FERMT2: variants seen among roughly 807,000 people sequenced by gnomAD.
FERMT2 encodes the protein FERM domain containing kindlin 2.
In FERMT2, 15 loss-of-function variants were observed where a neutral mutation model predicts 82.7. The observed-to-expected ratio is 0.18, with a 90% CI of 0.12 to 0.28. The LOEUF is 0.28. Ranked by LOEUF, FERMT2 falls within the 10% of genes least tolerant of loss-of-function variation. The pLI, the probability that FERMT2 is intolerant of heterozygous loss-of-function variation, is 1.00. For synonymous variants in FERMT2, 274 were observed against 271.5 expected (o/e 1.01, Z -0.09); for missense variants, 645 against 809.4 (o/e 0.80, Z 2.46).
intron 2 of FERMT2, among the ~76,000 whole-genome samples, chr14:52,919,604 G>A (rs559419310): frequency 6.6e-6 from 1 of 152,230 alleles, no homozygotes; most frequent in Admixed American, 6.5e-5. Flanking sequence ...CTACAAAATG[G>A]GACACATGGA....
intron 2 of FERMT2, among the ~76,000 whole-genome samples, chr14:52,923,121 T>C (rs1027307145): frequency 2.0e-5 from 3 of 152,112 alleles, no homozygotes; most frequent in Admixed American, 6.6e-5. Context: ...TTATTAATCT[T>C]ATGGGACCAC....
intron 14 of FERMT2, 178 bp downstream of exon 14, chr14:52,859,395 C>T (rs1884762889): frequency 3.7e-6 from 2 of 540,228 alleles, no homozygotes; most frequent in Admixed American, 4.1e-5. Context: ...ATTTTAGTAA[C>T]TGGGCTAATT....
chr14:52,875,328 T>C lies in FERMT2; in HGVS notation c.993A>G (p.Thr331=), dbSNP rs893404248. 9 of 1,608,884 alleles carry C rather than the reference T, an allele frequency of 5.6e-6. No individual in the cohort carries two copies. In the Admixed American group the frequency reaches 1.5e-4, roughly 27 times the overall value. ...QYHINKLSIM[T]SENHLNNSDK... is the part of the protein sequence containing the mutation. ...CACTGTTGTTCAAATGATTCTCTGA[T>C]GTCATGATTGACAGCTTATTGATAT... The change falls in exon 8 of 15, where the codon ACA becomes ACG. Residue 331 remains threonine, a synonymous_variant. Coordinates refer to ENST00000341590, the MANE Select transcript of FERMT2 (RefSeq NM_006832.3).
At chr14:52,893,742 G>A (rs1231728719) in intron 3 of FERMT2, among the ~76,000 whole-genome samples, 1 of 151,744 alleles carries the variant, frequency 6.6e-6, no homozygotes, top group Non-Finnish European at 1.5e-5. Flanking sequence ...GAGTTTATAT[G>A]TCCTTCACTC....
At chr14:52,907,498 T>C (rs1218603010) in intron 3 of FERMT2, among the ~76,000 whole-genome samples, 1 of 152,164 alleles carries the variant, frequency 6.6e-6, no homozygotes, top group Admixed American at 6.5e-5. Flanking sequence ...CATTTTTAAA[T>C]ACTTCACTGC....
chr14:52,918,488 T>C (rs1048554809), intron 3 of FERMT2, among the ~76,000 whole-genome samples: 2 of 152,210 alleles, frequency 1.3e-5, no homozygotes, highest in African/African-American at 4.8e-5. Context: ...AATTAAAATA[T>C]GAGAAGTCAC....
rs1239425953 is a variant in FERMT2 at position 52,945,275 on chromosome 14, G to A, written c.157+5137C>T. Among the ~76,000 whole-genome samples, 5 of 151,490 alleles carry A rather than the reference G, an allele frequency of 3.3e-5. No homozygotes were observed. In the East Asian group the frequency reaches 5.8e-4, roughly 18 times the overall value. ...TTTTGTGGGTTGGGGGCGGGGGGAC[G>A]GAATCTCGCTCATCACCCAGGCTGG... On this transcript the variant is annotated intron_variant, in intron 2 of 14. Transcript: ENST00000341590.
intron 3 of FERMT2, among the ~76,000 whole-genome samples, chr14:52,913,119 C>T (rs770583928): frequency 6.6e-6 from 1 of 152,010 alleles, no homozygotes; most frequent in Non-Finnish European, 1.5e-5. Flanking sequence ...AGTGTAAGAA[C>T]ACAACTGGGG....
intron 4 of FERMT2, among the ~76,000 whole-genome samples, chr14:52,885,190 G>A (rs966911082): frequency 4.0e-5 from 6 of 150,202 alleles, no homozygotes; most frequent in Non-Finnish European, 8.9e-5. Flanking sequence ...GCATGCTCCT[G>A]TAGTTCCAGC....
chr14:52,890,232 G>A (rs1425580831), intron 4 of FERMT2, among the ~76,000 whole-genome samples: 1 of 150,616 alleles, frequency 6.6e-6, no homozygotes, highest in Non-Finnish European at 1.5e-5. Flanking sequence ...GTCAGGAGGT[G>A]AGGAGTTCGA....
In FERMT2 at chr14:52,859,560, G is replaced by T. The variant is rs140299918; in HGVS notation, c.1869+13C>A. 76 of 1,591,322 alleles carry T rather than the reference G, an allele frequency of 4.8e-5. 2 individuals carry two copies. In the African/African-American group the frequency reaches 5.1e-4, roughly 11 times the overall value. On this transcript the variant is annotated intron_variant, in intron 14 of 14. Transcript: ENST00000341590. Reference sequence around the variant, plus strand: ...AGAAGGACTATATTCAAGTAACATTGTTATGAGTTTACCATTTTGATTTCC... The same window carrying T: ...AGAAGGACTATATTCAAGTAACATTTTTATGAGTTTACCATTTTGATTTCC...
rs935075882 is a variant in FERMT2, at chr14:52,858,335, A to G, written c.*42T>C. ...TATAACAAACAGCTTTTAAAGTTAA[A>G]TATTGTTATGGCCGTGGAGTTTCAT... On this transcript the variant is annotated 3_prime_UTR_variant, in exon 15 of 15. Transcript: ENST00000341590. 3 of 1,538,386 alleles carry G rather than the reference A, an allele frequency of 2.0e-6. No individual in the cohort carries two copies. The African/African-American group carries it at 4.1e-5, about 21-fold the overall frequency.
intron 3 of FERMT2, among the ~76,000 whole-genome samples, chr14:52,916,553 A>G (rs1256593821): frequency 2.6e-5 from 4 of 152,214 alleles, no homozygotes; most frequent in Non-Finnish European, 5.9e-5. Flanking sequence ...ATGAATAGGC[A>G]GAGCACAGAA....
chr14:52,886,210 T>G (rs1381355776), intron 4 of FERMT2, among the ~76,000 whole-genome samples: 1 of 152,008 alleles, frequency 6.6e-6, no homozygotes, highest in Non-Finnish European at 1.5e-5. Context: ...TTGAGCAGAA[T>G]GTAGGAAATG....
chr14:52,896,955 C>A (rs1035346874), intron 3 of FERMT2, among the ~76,000 whole-genome samples: 4 of 151,328 alleles, frequency 2.6e-5, no homozygotes, highest in Admixed American at 2.6e-4. Flanking sequence ...GGCCACTGCT[C>A]TCCAGCCTGC....
chr14:52,936,433 CTATT>C (rs1889839012), intron 2 of FERMT2, among the ~76,000 whole-genome samples: 1 of 152,194 alleles, frequency 6.6e-6, no homozygotes, highest in Admixed American at 6.5e-5. Context: ...ATGTCTCCCC[CTATT>C]TAAAGTCTTT....
intron 3 of FERMT2, among the ~76,000 whole-genome samples, chr14:52,916,580 A>C (rs963154115): frequency 1.3e-5 from 2 of 152,202 alleles, no homozygotes; most frequent in Non-Finnish European, 2.9e-5. Context: ...TAGGACAGTC[A>C]AACTATTCTG....
intron 4 of FERMT2, among the ~76,000 whole-genome samples, chr14:52,892,163 TTTG>T: frequency 7.3e-5 from 4 of 55,038 alleles, no homozygotes; most frequent in South Asian, 1.4e-3. Context: ...AAGGCTGTTT[TTTG>T]TTTTTTTTTT....
At chr14:52,875,609 G>T (rs1885905632) in intron 7 of FERMT2, among the ~76,000 whole-genome samples, 1 of 151,758 alleles carries the variant, frequency 6.6e-6, no homozygotes, top group Admixed American at 6.6e-5. Context: ...TAAGACTTAA[G>T]AGAGTTAACT....
Sources: allele counts gnomAD v4.1 joint callset (sites outside exome capture counted in the v4.1 genomes callset), GRCh38; gene constraint gnomAD v4.1.1; transcripts MANE v1.5; gene names NCBI Gene and HGNC (gene_info 2026-07-23, HGNC 2026-07-21).